The following CLVS1 variants were observed in gnomAD, a reference collection of about 807,000 sequenced individuals.
CLVS1 encodes clavesin 1, also known as clavesin-1.
CLVS1 carries 10 observed loss-of-function variants against 33.1 expected under a neutral mutation model. The ratio of observed to expected loss-of-function variants is 0.30; its 90% CI spans 0.19 to 0.51. CLVS1 has a LOEUF of 0.51. CLVS1 is among the 20% of genes least tolerant of loss of function. The probability of loss-of-function intolerance (pLI) is 0.97; values close to 1 mark genes in which losing one functional copy is unlikely to be tolerated. For synonymous variants in CLVS1, 163 were observed against 166.1 expected, an observed-to-expected ratio of 0.98 and a Z score of 0.14; for missense variants, 343 against 433.4, an observed-to-expected ratio of 0.79 and a Z score of 1.85.
intron 5 of CLVS1, among the ~76,000 whole-genome samples, chr8:61,467,872 G>C (rs1237893300): frequency 5.9e-5 from 9 of 152,164 alleles, no homozygotes; most frequent in Non-Finnish European, 1.3e-4. Context: ...GAAGTCCTTA[G>C]ATGTCATTTA....
At chr8:61,174,873 A>G (rs13275792) in intron 2 of CLVS1, among the ~76,000 whole-genome samples, 3 of 151,028 alleles carry the variant, frequency 2.0e-5, no homozygotes, top group Admixed American at 6.6e-5. Context: ...TCATTACTCT[A>G]TTCTATAAGG....
chr8:61,485,408 C>G (rs1488978093), intron 5 of CLVS1, among the ~76,000 whole-genome samples: 1 of 152,170 alleles, frequency 6.6e-6, no homozygotes, highest in Non-Finnish European at 1.5e-5. Flanking sequence ...CCATCTCACA[C>G]CAGTTAGAAT....
intron 1 of CLVS1, among the ~76,000 whole-genome samples, chr8:61,290,504 T>C (rs1013073408): frequency 6.6e-5 from 10 of 152,226 alleles, no homozygotes; most frequent in African/African-American, 2.2e-4. Context: ...TTTAGAATCA[T>C]GGAGTAGACA....
the CLVS1 span, among the ~76,000 whole-genome samples, chr8:61,049,958 G>A: frequency 6.6e-6 from 1 of 152,242 alleles, no homozygotes; most frequent in Non-Finnish European, 1.5e-5. Flanking sequence ...TCACAGACAG[G>A]TGACATTGTG....
chr8:61,477,816 T>C (rs1448389290), intron 5 of CLVS1, among the ~76,000 whole-genome samples: 5 of 152,240 alleles, frequency 3.3e-5, no homozygotes, highest in African/African-American at 1.2e-4. Flanking sequence ...TGCTCTGATC[T>C]TAGTTATTTC....
chr8:60,983,149 G>C, the CLVS1 span, among the ~76,000 whole-genome samples: 2 of 152,134 alleles, frequency 1.3e-5, no homozygotes, highest in African/African-American at 4.8e-5. Context: ...TACAGTCTAT[G>C]AGCAGGAGGA....
At chr8:61,156,231 A>G (rs996920918) in intron 2 of CLVS1, among the ~76,000 whole-genome samples, 1 of 150,496 alleles carries the variant, frequency 6.6e-6, no homozygotes. Flanking sequence ...AAAAAAAAAA[A>G]AAAGCCTTTG....
At chr8:61,341,859 A>G (rs1585828629) in intron 2 of CLVS1, among the ~76,000 whole-genome samples, 1 of 152,238 alleles carries the variant, frequency 6.6e-6, no homozygotes, top group Admixed American at 6.5e-5. Context: ...GAATAAAAAC[A>G]GCTGCTGTCT....
chr8:61,292,853 A>G (rs1384148411), intron 1 of CLVS1, among the ~76,000 whole-genome samples: 1 of 151,738 alleles, frequency 6.6e-6, no homozygotes, highest in Non-Finnish European at 1.5e-5. Context: ...ATTCCCCTCA[A>G]CTCCTTGCAT....
intron 1 of CLVS1, among the ~76,000 whole-genome samples, chr8:61,118,598 C>G (rs1374483047): frequency 1.3e-5 from 2 of 151,484 alleles, no homozygotes; most frequent in Non-Finnish European, 2.9e-5. Context: ...TTTCAAAGAA[C>G]ATCTTTATTT....
intron 2 of CLVS1, among the ~76,000 whole-genome samples, chr8:61,164,298 TAGAC>T (rs1806812024): frequency 6.6e-6 from 1 of 152,284 alleles, no homozygotes; most frequent in South Asian, 2.1e-4. Flanking sequence ...GAAATTATTT[TAGAC>T]AGATAGGGAG....
upstream of CLVS1, among the ~76,000 whole-genome samples, chr8:61,056,565 C>T (rs192447198): frequency 6.6e-6 from 1 of 152,286 alleles, no homozygotes; most frequent in Non-Finnish European, 1.5e-5. Flanking sequence ...ACCTTCATAT[C>T]AGCGAGTGCC....
chr8:61,259,491 A>T (rs1809153919), intron 2 of CLVS1, among the ~76,000 whole-genome samples: 2 of 152,220 alleles, frequency 1.3e-5, no homozygotes, highest in African/African-American at 4.8e-5. Context: ...CTTGCTGGGA[A>T]ATTATTGCAA....
intron 2 of CLVS1, among the ~76,000 whole-genome samples, chr8:61,161,354 A>T (rs139388552): frequency 0.017 from 2,524 of 152,332 alleles, 30 homozygotes; most frequent in African/African-American, 0.024. Context: ...GTAAAGAGAC[A>T]TCTGCACTCC....
intron 2 of CLVS1, among the ~76,000 whole-genome samples, chr8:61,255,631 A>G (rs1809062027): frequency 1.3e-5 from 2 of 152,224 alleles, no homozygotes; most frequent in South Asian, 4.1e-4. Context: ...TTCTAAGCAC[A>G]AAAAGGTCTC....
chr8:61,210,956 A>T (rs1807958724), intron 2 of CLVS1, among the ~76,000 whole-genome samples: 1 of 152,168 alleles, frequency 6.6e-6, no homozygotes, highest in Non-Finnish European at 1.5e-5. Context: ...TCCTACCAAA[A>T]AAAAAAGGAA....
chr8:61,231,377 T>C (rs1029134047), intron 2 of CLVS1, among the ~76,000 whole-genome samples: 3 of 152,150 alleles, frequency 2.0e-5, no homozygotes, highest in Non-Finnish European at 4.4e-5. Context: ...ATTAGAATCA[T>C]GTGGGGAGTT....
At chr8:61,050,778 C>T in the CLVS1 span, among the ~76,000 whole-genome samples, 2 of 152,240 alleles carry the variant, frequency 1.3e-5, no homozygotes, top group Non-Finnish European at 2.9e-5. Context: ...GCCTTTGGCA[C>T]CTGTCTGTGG....
At chr8:61,152,408 C>A (rs1263802915) in intron 2 of CLVS1, among the ~76,000 whole-genome samples, 2 of 152,144 alleles carry the variant, frequency 1.3e-5, no homozygotes, top group African/African-American at 4.8e-5. Context: ...ATGGGGAATT[C>A]ATAAATAATA....
Sources: allele counts gnomAD v4.1 joint callset (sites outside exome capture counted in the v4.1 genomes callset), GRCh38; gene constraint gnomAD v4.1.1; transcripts MANE v1.5; gene names NCBI Gene and HGNC (gene_info 2026-07-23, HGNC 2026-07-21).